G3BP2: variants seen among roughly 807,000 people sequenced by gnomAD.
G3BP2 encodes ras GTPase-activating protein-binding protein 2.
Under a neutral mutation model 56.7 loss-of-function variants are expected in G3BP2, and 11 were observed. The ratio of observed to expected loss-of-function variants is 0.19; its 90% confidence interval spans 0.12 to 0.32. G3BP2 has a LOEUF of 0.32. G3BP2 is among the 10% of genes least tolerant of loss of function. G3BP2 has a pLI of 1.00. For synonymous variants in G3BP2, 165 were observed against 191.6 expected (o/e 0.86, Z 1.15); for missense variants, 340 against 610.9 (o/e 0.56, Z 4.67).
chr4:75,681,325 A>AAAATAAATAAAT (rs58606796), intron 3 of G3BP2, among the ~76,000 whole-genome samples: 1 of 149,888 alleles, frequency 6.7e-6, no homozygotes, highest in Non-Finnish European at 1.5e-5. Flanking sequence ...CTCCGTCTCA[A>AAAATAAATAAAT]AAATAAATAA....
rs34067467 is a variant in G3BP2, at chr4:75,682,414, C to CA, written c.-24-20366dup. The stretch of plus-strand genomic sequence containing the variant: ...CTTGTGACAGAGCGAGACTCCGTCT[C>CA]AAAAAAAAAAAAAAAAAAAATTATG... On this transcript the variant is annotated intron_variant, in intron 3 of 3. Coordinates refer to the G3BP2 transcript ENST00000499709. Among the ~76,000 whole-genome samples the CA allele has an allele frequency of 5.3e-3, 532 of 100,106 alleles. 6 individuals are homozygous for CA. Among genetic ancestry groups the CA allele is most frequent in the South Asian group, 0.028 (88 of 3,198 alleles). 65.7% of individuals were successfully genotyped at this position (100,106 alleles called of 152,430 possible).
chr4:75,696,975 C>T (rs796543528), intron 3 of G3BP2, among the ~76,000 whole-genome samples: 9 of 152,130 alleles, frequency 5.9e-5, no homozygotes, highest in African/African-American at 2.2e-4. Context: ...TTATTTTCAT[C>T]CCCTTTAAAA....
At chr4:75,655,907 GGCTTCACA>G (rs1732062898) in intron 5 of G3BP2, 37 bp from the exon 6 acceptor site, 1 of 1,055,458 alleles carries the variant, frequency 9.5e-7, no homozygotes, top group Admixed American at 1.7e-5. Flanking sequence ...TTTTTAAAGA[GGCTTCACA>G]ATTTCTAACG....
intron 3 of G3BP2, among the ~76,000 whole-genome samples, chr4:75,719,621 G>A (rs758769462): frequency 5.9e-5 from 9 of 151,828 alleles, no homozygotes; most frequent in Non-Finnish European, 1.0e-4. Context: ...ACGGAGTTTC[G>A]CTCTTGTTGC....
chr4:75,702,319 T>C (rs933164425), intron 3 of G3BP2, among the ~76,000 whole-genome samples: 1 of 152,114 alleles, frequency 6.6e-6, no homozygotes, highest in African/African-American at 2.4e-5. Context: ...AATTCTTATA[T>C]TTTTTGTAGA....
At chr4:75,711,573 C>A (rs1211080956) in intron 3 of G3BP2, among the ~76,000 whole-genome samples, 1 of 151,830 alleles carries the variant, frequency 6.6e-6, no homozygotes, top group African/African-American at 2.4e-5. Context: ...ATTAGCTGGG[C>A]ATGGTGGTGC....
intron 3 of G3BP2, among the ~76,000 whole-genome samples, chr4:75,702,879 G>A (rs528005739): frequency 3.3e-5 from 5 of 152,270 alleles, no homozygotes; most frequent in Middle Eastern, 3.4e-3. Flanking sequence ...ACCCTAAAAG[G>A]ATAAGAAGGA....
rs776731334 is a variant in G3BP2 at position 75,645,513 on chromosome 4, G to C, written c.1366C>G (p.Pro456Ala). 19 of 1,613,726 alleles carry C rather than the reference G, an allele frequency of 1.2e-5. No individual in the cohort carries two copies. The highest frequency in any genetic ancestry group is 1.4e-5 in the Non-Finnish European group (17 of 1,179,962). Residue 456 changes from proline to alanine, a missense_variant, in exon 12 of 12, where the codon CCA becomes GCA. Physicochemically the swap from Pro to Ala is conservative, Grantham distance 27. Around this residue, in one of 4 missense-constraint regions of G3BP2, gnomAD observed 94 missense variants for 173.8 expected, o/e 0.54. Coordinates refer to ENST00000359707, the MANE Select transcript of G3BP2 (RefSeq NM_203505.3). ...AGTTTCTGTGCCATGCCACCCCTTG[G>C]AGGAGGTCCTCTTCCATCACGATCA... ...MRDRDGRGPPPRGGMAQKLGS... is the reference protein window; with the variant it reads ...MRDRDGRGPPARGGMAQKLGS...
At chr4:75,693,950 A>G (rs1718988841) in intron 3 of G3BP2, among the ~76,000 whole-genome samples, 1 of 151,606 alleles carries the variant, frequency 6.6e-6, no homozygotes, top group Admixed American at 6.6e-5. Flanking sequence ...TATATTGTCT[A>G]GGGTGGTCTT....
chr4:75,667,700 C>G (rs1001133584), intron 1 of G3BP2, among the ~76,000 whole-genome samples: 1 of 152,108 alleles, frequency 6.6e-6, no homozygotes, highest in Non-Finnish European at 1.5e-5. Context: ...ACCATCCTGG[C>G]TAACACAGTG....
At chr4:75,671,988 A>G (rs191770834) in intron 1 of G3BP2, among the ~76,000 whole-genome samples, 1 of 152,350 alleles carries the variant, frequency 6.6e-6, no homozygotes, top group Admixed American at 6.5e-5. Context: ...GGCTCTCTTA[A>G]CGACAGTTAA....
chr4:75,696,217 G>A (rs566578166), intron 3 of G3BP2, among the ~76,000 whole-genome samples: 1 of 152,252 alleles, frequency 6.6e-6, no homozygotes, highest in Non-Finnish European at 1.5e-5. Flanking sequence ...TAGGTGTTGA[G>A]GAAGTTAGAG....
chr4:75,674,712 ATATATATTTTTTTTTTT>A (rs1470766253), upstream of G3BP2, among the ~76,000 whole-genome samples: 370 of 50,006 alleles, frequency 7.4e-3, 6 homozygotes, highest in South Asian at 0.015. Flanking sequence ...ATATATATAT[ATATATATTTTTTTTTTT>A]TTTTTTTTTT....
In G3BP2 at chr4:75,697,198, C is replaced by T. The variant is rs530032153; in HGVS notation, c.-25+23679G>A. Reference sequence around the variant, plus strand: ...CTGAGGCAGGAGAATGGCGTGAACCCAGGAGGCGGAGCTTGCAGTGAGCCG... The same window carrying T: ...CTGAGGCAGGAGAATGGCGTGAACCTAGGAGGCGGAGCTTGCAGTGAGCCG... On this transcript the variant is annotated intron_variant, in intron 3 of 3. Transcript: ENST00000499709. Among the ~76,000 whole-genome samples the T allele has an allele frequency of 1.8e-4, 26 of 141,974 alleles. 1 individual carries two copies. The highest frequency in any genetic ancestry group is 4.9e-4 in the African/African-American group (19 of 38,986). The allele number at this position is 141,974 out of a possible 152,430, so 93.1% of individuals were successfully genotyped here.
intron 3 of G3BP2, among the ~76,000 whole-genome samples, chr4:75,694,533 G>A (rs1322514281): frequency 2.0e-5 from 3 of 152,268 alleles, no homozygotes; most frequent in South Asian, 4.1e-4. Context: ...GAACCCGGTA[G>A]GCGGAGCTTG....
chr4:75,656,095 A>G (rs1732088691), intron 5 of G3BP2, among the ~76,000 whole-genome samples: 1 of 150,200 alleles, frequency 6.7e-6, no homozygotes, highest in Non-Finnish European at 1.5e-5. Context: ...GGTTCAAACG[A>G]TTCTCCTGCC....
intron 5 of G3BP2, among the ~76,000 whole-genome samples, chr4:75,656,197 G>A (rs1732099808): frequency 6.6e-6 from 1 of 151,222 alleles, no homozygotes; most frequent in Non-Finnish European, 1.5e-5. Context: ...TCACTGCATT[G>A]GCCAGGCTGG....
upstream of G3BP2, among the ~76,000 whole-genome samples, chr4:75,675,879 T>G (rs1733857634): frequency 6.6e-6 from 1 of 152,130 alleles, no homozygotes; most frequent in South Asian, 2.1e-4. Flanking sequence ...TTTTTGGTTT[T>G]GAGCGCCACG....
intron 4 of G3BP2, 30 bp downstream of exon 4, chr4:75,657,527 A>G (rs746298433): frequency 6.5e-7 from 1 of 1,544,918 alleles, no homozygotes; most frequent in Non-Finnish European, 8.8e-7. Context: ...CAACCATATA[A>G]ATGAAAACTA....
Sources: gnomAD v4.1 joint callset for allele counts (sites outside exome capture counted in the v4.1 genomes callset) on GRCh38, gnomAD v4.1.1 for gene constraint, gnomAD v4.1.1 regional missense constraint, MANE v1.5 for transcripts, NCBI Gene and HGNC (gene_info 2026-07-23, HGNC 2026-07-21) for gene names.